Variants in NPEPPS observed in about 807,000 individuals in gnomAD.
NPEPPS encodes the protein aminopeptidase puromycin sensitive.
Under a neutral mutation model 115.5 loss-of-function variants are expected in NPEPPS, and 14 were observed. That is an observed-to-expected ratio of 0.12 (90% confidence interval 0.08 to 0.19). The LOEUF is 0.19. Among genes scored for constraint, NPEPPS ranks in the 10% least tolerant of loss-of-function variants. The pLI, the probability that NPEPPS is intolerant of heterozygous loss-of-function variation, is 1.00. For missense variants in NPEPPS, 523 were observed against 1,110.8 expected, an observed-to-expected ratio of 0.47 and a Z score of 7.52; for synonymous variants, 285 against 390.6, an observed-to-expected ratio of 0.73 and a Z score of 3.19.
At chr17:47,578,343 C>T (rs989756497) in intron 3 of NPEPPS, among the ~76,000 whole-genome samples, 2 of 151,976 alleles carry the variant, frequency 1.3e-5, no homozygotes, top group Non-Finnish European at 2.9e-5. Flanking sequence ...TAGTCATGCC[C>T]TATCTTTGAT....
intron 5 of NPEPPS, 69 bp from the exon 6 acceptor site, chr17:47,585,431 T>C (rs1912123568): frequency 9.4e-7 from 1 of 1,061,608 alleles, no homozygotes; most frequent in Admixed American, 1.9e-5. Flanking sequence ...CCTACAGTTT[T>C]TGGCTGGTAT....
chr17:47,525,974 G>C (rs1907414547), intron 1 of NPEPPS, among the ~76,000 whole-genome samples: 1 of 152,116 alleles, frequency 6.6e-6, no homozygotes, highest in Admixed American at 6.6e-5. Context: ...ACTTTGGGAG[G>C]CCGAAGCAGG....
rs1261493247 is a variant in NPEPPS at position 47,594,878 on chromosome 17, C to T, written c.1427-1475C>T. ...CGATCTCCTGACCTCATGATCCGCC[C>T]GCCTCTGCCTCCCAAAGTGCTGGGA... is the stretch of plus-strand genomic sequence containing the variant. On this transcript the variant is annotated intron_variant, in intron 12 of 22. Coordinates refer to ENST00000322157, the MANE Select transcript of NPEPPS (RefSeq NM_006310.4). Among the ~76,000 whole-genome samples, 8 of 151,310 alleles carry T rather than the reference C, an allele frequency of 5.3e-5. No individual in the cohort carries two copies. The South Asian group carries it at 1.3e-3, about 24-fold the overall frequency.
intron 13 of NPEPPS, among the ~76,000 whole-genome samples, chr17:47,597,452 ATT>A (rs757015402): frequency 3.7e-4 from 57 of 152,244 alleles, no homozygotes; most frequent in Non-Finnish European, 6.0e-4. Context: ...AGGGAAGTGG[ATT>A]CATAGTTCTT....
intron 2 of NPEPPS, among the ~76,000 whole-genome samples, chr17:47,568,404 C>T (rs1910971633): frequency 6.6e-6 from 1 of 152,104 alleles, no homozygotes; most frequent in Admixed American, 6.5e-5. Context: ...CTCTTGACCT[C>T]AGGTGATCCA....
intron 2 of NPEPPS, among the ~76,000 whole-genome samples, chr17:47,547,080 A>G (rs1909270820): frequency 6.6e-6 from 1 of 152,168 alleles, no homozygotes; most frequent in Non-Finnish European, 1.5e-5. Flanking sequence ...ATTCGGAGAA[A>G]AACATTTGCT....
intron 1 of NPEPPS, among the ~76,000 whole-genome samples, chr17:47,534,097 CT>C (rs911885695): frequency 0.01 from 1,511 of 145,546 alleles, 11 homozygotes; most frequent in African/African-American, 0.03. Flanking sequence ...TGACAAAATT[CT>C]TTTTTTTTTT....
rs373450118 is a variant in NPEPPS at position 47,594,907 on chromosome 17, C to T, written c.1427-1446C>T. ...TCTGCCTCCCAAAGTGCTGGGATTACAGGCGTGAGCCACCGCGCCTGGCCT... is the reference window on the plus strand; with the variant it reads ...TCTGCCTCCCAAAGTGCTGGGATTATAGGCGTGAGCCACCGCGCCTGGCCT... On this transcript the variant is annotated intron_variant, in intron 12 of 22. Coordinates refer to ENST00000322157, the MANE Select transcript of NPEPPS (RefSeq NM_006310.4). Among the ~76,000 whole-genome samples the T allele has an allele frequency of 1.6e-4, 24 of 146,844 alleles. 1 individual carries two copies. In the South Asian group the frequency reaches 5.2e-3, roughly 32 times the overall value.
At chr17:47,603,811 T>C (rs2081766587) in intron 15 of NPEPPS, 104 bp from the exon 16 acceptor site, 2 of 1,066,330 alleles carry the variant, frequency 1.9e-6, no homozygotes, top group Admixed American at 4.8e-5. Context: ...TTAATTGTTT[T>C]TCATCCAGAT....
At chr17:47,562,397 C>G (rs759016973) in intron 2 of NPEPPS, among the ~76,000 whole-genome samples, 1 of 152,168 alleles carries the variant, frequency 6.6e-6, no homozygotes, top group Non-Finnish European at 1.5e-5. Context: ...GTCTGCAGAA[C>G]TGATTGCTTC....
chr17:47,620,872 A>G (rs1269796114), intron 22 of NPEPPS, among the ~76,000 whole-genome samples: 1 of 152,192 alleles, frequency 6.6e-6, no homozygotes, highest in Non-Finnish European at 1.5e-5. Flanking sequence ...CATTGTGATA[A>G]ATTGTAAACT....
At chr17:47,553,062 A>G (rs1373915566) in intron 2 of NPEPPS, among the ~76,000 whole-genome samples, 2 of 152,074 alleles carry the variant, frequency 1.3e-5, no homozygotes, top group African/African-American at 4.8e-5. Flanking sequence ...CTACTTTTCA[A>G]TGGAATCTTA....
chr17:47,562,784 G>C (rs199924868), intron 2 of NPEPPS, among the ~76,000 whole-genome samples: 1,828 of 103,792 alleles, frequency 0.018, 42 homozygotes, highest in African/African-American at 0.052. Context: ...TTAGTTAATT[G>C]TAAAAAAAAA....
At chr17:47,597,034 C>A (rs1273048482) in intron 13 of NPEPPS, among the ~76,000 whole-genome samples, 1 of 140,674 alleles carries the variant, frequency 7.1e-6, no homozygotes, top group Admixed American at 7.6e-5. Context: ...GGCAACAGAG[C>A]GAGACTTCGT....
chr17:47,601,563 TC>T, intron 14 of NPEPPS, 44 bp from the exon 15 acceptor site: 1 of 1,610,388 alleles, frequency 6.2e-7, no homozygotes, highest in African/African-American at 1.3e-5. Flanking sequence ...CACCTTACCT[TC>T]TGTTTGTCCC....
At chr17:47,595,854 T>G (rs1912831186) in intron 12 of NPEPPS, among the ~76,000 whole-genome samples, 1 of 151,998 alleles carries the variant, frequency 6.6e-6, no homozygotes, top group Non-Finnish European at 1.5e-5. Context: ...TGGTGGCACA[T>G]GCCTGTAATC....
intron 10 of NPEPPS, among the ~76,000 whole-genome samples, chr17:47,591,342 G>T (rs1256124333): frequency 3.9e-5 from 6 of 152,096 alleles, no homozygotes; most frequent in Admixed American, 3.3e-4. Flanking sequence ...TTGCACTCCA[G>T]CCTGGGCAAC....
intron 1 of NPEPPS, among the ~76,000 whole-genome samples, chr17:47,524,792 C>A (rs190824838): frequency 5.9e-4 from 89 of 151,568 alleles, no homozygotes; most frequent in Non-Finnish European, 1.1e-3. Context: ...GCGTGAGCCA[C>A]CGTGCCCGGC....
chr17:47,605,582 T>A (rs1439061118), intron 17 of NPEPPS, 30 bp downstream of exon 17: 2 of 1,372,318 alleles, frequency 1.5e-6, no homozygotes, highest in African/African-American at 2.9e-5. Context: ...GAGAAAGAAT[T>A]ACGCAGAAGT....
Sources: gnomAD v4.1 joint callset for allele counts (sites outside exome capture counted in the v4.1 genomes callset) on GRCh38, gnomAD v4.1.1 for gene constraint, MANE v1.5 for transcripts, NCBI Gene and HGNC (gene_info 2026-07-23, HGNC 2026-07-21) for gene names.